Variants in TTC27 observed in about 807,000 individuals in gnomAD.
The protein encoded by TTC27 is tetratricopeptide repeat domain 27.
TTC27 carries 79 observed loss-of-function variants against 115.9 expected under a neutral mutation model. That is an observed-to-expected ratio of 0.68 (90% CI 0.57 to 0.82). The LOEUF is 0.82. TTC27 is among the 40% of genes least tolerant of loss of function. The pLI is 0.00. For missense variants in TTC27, 1,054 were observed against 993.1 expected (o/e 1.06, Z -0.82); for synonymous variants, 401 against 356.0 (o/e 1.13, Z -1.42).
chr2:32,728,201 C>T (rs561176052), intron 10 of TTC27, among the ~76,000 whole-genome samples: 15 of 151,974 alleles, frequency 9.9e-5, no homozygotes, highest in Admixed American at 3.3e-4. Context: ...CCACCACGCC[C>T]GGCTAATTTT....
intron 14 of TTC27, among the ~76,000 whole-genome samples, chr2:32,778,914 C>T (rs1670083432): frequency 6.6e-6 from 1 of 152,132 alleles, no homozygotes; most frequent in African/African-American, 2.4e-5. Flanking sequence ...TGAGGATCTG[C>T]CAGACTGTTT....
At chr2:32,755,769 A>G (rs1173623322) in intron 12 of TTC27, among the ~76,000 whole-genome samples, 4 of 152,222 alleles carry the variant, frequency 2.6e-5, no homozygotes, top group East Asian at 3.8e-4. Flanking sequence ...TTAGATAATC[A>G]TAGAAATTCC....
intron 9 of TTC27, among the ~76,000 whole-genome samples, chr2:32,680,460 A>G (rs981823291): frequency 6.6e-6 from 1 of 152,166 alleles, no homozygotes; most frequent in Non-Finnish European, 1.5e-5. Context: ...AGTGCTGAGG[A>G]GAAATATAAA....
At chr2:32,679,964 A>G (rs904042926) in intron 9 of TTC27, among the ~76,000 whole-genome samples, 1 of 152,216 alleles carries the variant, frequency 6.6e-6, no homozygotes, top group African/African-American at 2.4e-5. Flanking sequence ...CCTGGGTGAC[A>G]GAGAGCAAGA....
chr2:32,704,546 A>G (rs1227876276), intron 10 of TTC27, among the ~76,000 whole-genome samples: 1 of 152,170 alleles, frequency 6.6e-6, no homozygotes, highest in African/African-American at 2.4e-5. Context: ...TAAGAACAGT[A>G]CGAAGAATTC....
At chr2:32,682,004 G>A (rs1004655009) in intron 9 of TTC27, among the ~76,000 whole-genome samples, 4 of 149,514 alleles carry the variant, frequency 2.7e-5, no homozygotes, top group African/African-American at 1.0e-4. Context: ...GTGTGTGTGT[G>A]TGTGTGTGTG....
intron 16 of TTC27, among the ~76,000 whole-genome samples, chr2:32,791,716 G>T (rs77141845): frequency 0.025 from 3,817 of 152,078 alleles, 160 homozygotes; most frequent in African/African-American, 0.088. Context: ...CAGACATAAT[G>T]TGCAGATAAT....
At chr2:32,655,023 C>A (rs1043966893) in intron 5 of TTC27, among the ~76,000 whole-genome samples, 4 of 150,286 alleles carry the variant, frequency 2.7e-5, no homozygotes, top group African/African-American at 9.9e-5. Context: ...GAGTTTCACT[C>A]TGTCACCCAG....
intron 12 of TTC27, among the ~76,000 whole-genome samples, chr2:32,744,186 ATTCT>A (rs1358890269): frequency 2.0e-5 from 3 of 152,216 alleles, no homozygotes; most frequent in Non-Finnish European, 4.4e-5. Flanking sequence ...CAGCTACATA[ATTCT>A]TTCTCTGCTG....
chr2:32,689,864 A>T (rs547854432), intron 9 of TTC27, among the ~76,000 whole-genome samples: 76 of 152,328 alleles, frequency 5.0e-4, no homozygotes, highest in African/African-American at 1.8e-3. Flanking sequence ...TTAATATATG[A>T]TTTCTAGCAA....
In TTC27 at chr2:32,777,872, G is replaced by A. The variant is rs1381105564; in HGVS notation, c.1681-10G>A. 2.5e-6 allele frequency: 4 copies of A among 1,612,676 alleles called. No individual in the cohort carries two copies. Among genetic ancestry groups the A allele is most frequent in the Admixed American group, 3.3e-5 (2 of 59,804 alleles). ...TGTGTTTGAATGACTTTGACTTTTG[G>A]TCTTTGCAGCTCGGGGTGTGGTTTT... is the stretch of plus-strand genomic sequence containing the variant. On this transcript the variant is annotated splice_polypyrimidine_tract_variant and intron_variant, in intron 13 of 19. Coordinates refer to ENST00000317907, the MANE Select transcript of TTC27 (RefSeq NM_017735.5).
At chr2:32,704,404 T>A (rs1572531808) in intron 10 of TTC27, among the ~76,000 whole-genome samples, 1 of 152,126 alleles carries the variant, frequency 6.6e-6, no homozygotes, top group South Asian at 2.1e-4. Flanking sequence ...GTTAGGCTGC[T>A]CTTGAACTCC....
intron 4 of TTC27, among the ~76,000 whole-genome samples, chr2:32,643,167 A>C (rs1664720785): frequency 6.6e-6 from 1 of 151,970 alleles, no homozygotes; most frequent in Non-Finnish European, 1.5e-5. Flanking sequence ...GGATTTCAAC[A>C]TGTCTTAGCA....
chr2:32,671,445 TTTC>T (rs938945209), intron 7 of TTC27, among the ~76,000 whole-genome samples: 6 of 152,160 alleles, frequency 3.9e-5, no homozygotes, highest in Non-Finnish European at 8.8e-5. Context: ...AGTTCTCTAA[TTTC>T]ATTTATTGAA....
At chr2:32,672,449 ATCTT>A (rs1666047209) in intron 8 of TTC27, 65 bp downstream of exon 8, 3 of 1,256,648 alleles carry the variant, frequency 2.4e-6, no homozygotes, top group African/African-American at 1.5e-5. Flanking sequence ...TGTGTGGAGA[ATCTT>A]TATTCAAGGA....
intron 9 of TTC27, among the ~76,000 whole-genome samples, chr2:32,685,700 AG>A (rs1666605084): frequency 6.6e-6 from 1 of 152,208 alleles, no homozygotes; most frequent in Non-Finnish European, 1.5e-5. Flanking sequence ...AAAAACTCTT[AG>A]TAAACTAGGA....
chr2:32,755,829 T>C (rs113880847), intron 12 of TTC27, among the ~76,000 whole-genome samples: 1,583 of 152,370 alleles, frequency 0.01, 16 homozygotes, highest in Middle Eastern at 0.031. Context: ...GTTTGCTTTC[T>C]TTGAGCTGTC....
At position 32,744,956 on chromosome 2, in the gene TTC27, G is replaced by C. The variant is rs151166412; in HGVS notation, c.1452+8140G>C. On this transcript the variant is annotated intron_variant, in intron 12 of 19. Transcript: ENST00000317907. ...CCAGCTACTCAGGAGGCTGAGGCAG[G>C]AGAATCCTTTGAGCCCGGGAGGTGG... Among the ~76,000 whole-genome samples, 458 of 146,900 alleles carry C rather than the reference G, an allele frequency of 3.1e-3. 4 individuals are homozygous for C. Among genetic ancestry groups the C allele is most frequent in the African/African-American group, 0.011 (432 of 39,736 alleles).
At chr2:32,741,405 A>G (rs1251906906) in intron 12 of TTC27, among the ~76,000 whole-genome samples, 1 of 151,916 alleles carries the variant, frequency 6.6e-6, no homozygotes, top group Non-Finnish European at 1.5e-5. Context: ...GCACATTGGT[A>G]GGCTGAGGCG....
Sources: gnomAD v4.1 joint callset for allele counts (sites outside exome capture counted in the v4.1 genomes callset) on GRCh38, gnomAD v4.1.1 for gene constraint, MANE v1.5 for transcripts, NCBI Gene and HGNC (gene_info 2026-07-23, HGNC 2026-07-21) for gene names.